KDM1A: variants seen among roughly 807,000 people sequenced by gnomAD.
The protein encoded by KDM1A is lysine-specific histone demethylase 1A.
KDM1A carries 49 observed loss-of-function variants against 109.4 expected under a neutral mutation model. The ratio of observed to expected loss-of-function variants is 0.45; its 90% CI spans 0.36 to 0.57. The LOEUF is 0.57. Among genes scored for constraint, KDM1A ranks in the 20% least tolerant of loss-of-function variants. KDM1A has a pLI of 0.00. For synonymous variants in KDM1A, 380 were observed against 415.4 expected (o/e 0.91, Z 1.04); for missense variants, 668 against 1,116.6 (o/e 0.60, Z 5.73).
chr1:23,081,454 C>G lies in KDM1A; in HGVS notation c.2179C>G (p.Leu727Val). 6.2e-7 allele frequency: 1 copy of G among 1,614,164 alleles called. No homozygotes were observed. Among genetic ancestry groups the G allele is most frequent in the Non-Finnish European group, 8.5e-7 (1 of 1,179,986 alleles). The stretch of plus-strand genomic sequence containing the variant: ...CCTTTCTGTTTCCCCAGCTCCAATA[C>G]TGTTGGCACTAGTGGCAGGAGAAGC... ...LFWNLYKAPI[L>V]LALVAGEAAG... The change falls in exon 19 of 21, where the codon CTG becomes GTG. Residue 727 changes from leucine to valine, a missense_variant. Physicochemically the swap from Leu to Val is conservative, Grantham distance 32. Around this residue, in one of 8 missense-constraint regions of KDM1A, gnomAD observed 162 missense variants for 376.4 expected, o/e 0.43. Coordinates refer to ENST00000400181, the MANE Select transcript of KDM1A (RefSeq NM_001009999.3).
chr1:23,035,015 T>C lies in KDM1A; in HGVS notation c.517+4381T>C, dbSNP rs76030792. Among the ~76,000 whole-genome samples, 622 of 152,294 alleles carry C rather than the reference T, an allele frequency of 4.1e-3. 5 individuals are homozygous for C. The highest frequency in any genetic ancestry group is 0.015 in the African/African-American group (606 of 41,572). On this transcript the variant is annotated intron_variant, in intron 2 of 20. Transcript: ENST00000400181. ...TTAAGTCATTGGTTAACTCTTCAAATAGATTTTTTTAGATGTGATTGGTAA... is the reference window on the plus strand; with the variant it reads ...TTAAGTCATTGGTTAACTCTTCAAACAGATTTTTTTAGATGTGATTGGTAA...
At chr1:23,070,372 G>A (rs548954202) in intron 12 of KDM1A, among the ~76,000 whole-genome samples, 1 of 152,276 alleles carries the variant, frequency 6.6e-6, no homozygotes, top group South Asian at 2.1e-4. Flanking sequence ...TCAGGAGGCT[G>A]AGGCATGAGA....
In KDM1A at chr1:23,081,318, A is replaced by G. The variant is rs956441547; in HGVS notation, c.2171-128A>G. 7.6e-6 allele frequency: 8 copies of G among 1,049,152 alleles called. No homozygotes were observed. In the African/African-American group the frequency reaches 1.3e-4, roughly 17 times the overall value. The allele number at this position is 1,049,152 out of a possible 1,614,324, so 65.0% of individuals were successfully genotyped here. On this transcript the variant is annotated intron_variant, in intron 18 of 20. Transcript: ENST00000400181. ...TCAGAAACATAATCTGTCTCTTCGCATTTGAATGGTACTGCGTGTGTCTTG... is the reference window on the plus strand; with the variant it reads ...TCAGAAACATAATCTGTCTCTTCGCGTTTGAATGGTACTGCGTGTGTCTTG...
rs1642789618 is a variant in KDM1A, at chr1:23,055,134, A to G, written c.856A>G (p.Ile286Val). The change falls in exon 6 of 21, where the codon ATC becomes GTC. Residue 286 changes from isoleucine (I) to valine (V), a missense_variant. By Grantham distance (29) the Ile-to-Val change is conservative. Transcript: ENST00000400181. The part of the protein sequence containing the change: ...LERHGLINFG[I>V]YKRIKPLPTK... Reference sequence around the variant, plus strand: ...GCGTCATGGTCTTATCAACTTCGGCATCTATAAGAGGATAAAACCCCTACC... The same window carrying G: ...GCGTCATGGTCTTATCAACTTCGGCGTCTATAAGAGGATAAAACCCCTACC... The G allele has an allele frequency of 6.2e-6, 10 of 1,611,706 alleles. No homozygotes were observed. Among genetic ancestry groups the G allele is most frequent in the South Asian group, 1.1e-5 (1 of 90,706 alleles).
At chr1:23,078,292 TGTTGTGCCA>T (rs1199609612) in intron 16 of KDM1A, among the ~76,000 whole-genome samples, 1 of 152,164 alleles carries the variant, frequency 6.6e-6, no homozygotes, top group Non-Finnish European at 1.5e-5. Context: ...TGAGAATAGA[TGTTGTGCCA>T]TTTTCTCGAG....
Position 23,030,670 on chromosome 1 carries a change from C to T in KDM1A, c.517+36C>T, listed in dbSNP as rs751390120. 5 of 1,475,576 alleles carry T rather than the reference C, an allele frequency of 3.4e-6. No individual in the cohort carries two copies. In the Admixed American group the frequency reaches 1.0e-4, roughly 30 times the overall value. 91.4% of individuals were successfully genotyped at this position (1,475,576 alleles called of 1,614,324 possible). ...GTATCCAACCACAGTTCTGTTTTATCTTAGAAATAAGAATGAATGGATTTA... is the reference window on the plus strand; with the variant it reads ...GTATCCAACCACAGTTCTGTTTTATTTTAGAAATAAGAATGAATGGATTTA... On this transcript the variant is annotated intron_variant, in intron 2 of 20. Transcript: ENST00000400181.
intron 1 of KDM1A, chr1:23,020,219 C>G (rs1185451830): frequency 2.9e-5 from 10 of 342,492 alleles, no homozygotes; most frequent in Non-Finnish European, 5.3e-5. Flanking sequence ...TTCCTTAGGT[C>G]TTTCTTGCAC....
chr1:23,023,796 A>G (rs1641713240), intron 1 of KDM1A, among the ~76,000 whole-genome samples: 1 of 152,030 alleles, frequency 6.6e-6, no homozygotes, highest in Non-Finnish European at 1.5e-5. Context: ...ACACTATTAG[A>G]TTTTACTGTT....
At chr1:23,057,405 C>T in intron 7 of KDM1A, 79 bp from the exon 8 acceptor site, 1 of 1,011,590 alleles carries the variant, frequency 9.9e-7, no homozygotes, top group Non-Finnish European at 1.6e-6. Flanking sequence ...TTATAGAAGA[C>T]AGAGCCGTGG....
chr1:23,041,545 C>T (rs1230434545), intron 2 of KDM1A, among the ~76,000 whole-genome samples: 4 of 145,318 alleles, frequency 2.8e-5, no homozygotes, highest in East Asian at 4.1e-4. Flanking sequence ...CGAGTTCAAG[C>T]GATTCTCCTG....
chr1:23,077,415 C>G, intron 16 of KDM1A, 55 bp downstream of exon 16: 1 of 1,560,556 alleles, frequency 6.4e-7, no homozygotes, highest in South Asian at 1.2e-5. Flanking sequence ...CAGGACTGAT[C>G]TTTTGTTAGG....
intron 9 of KDM1A, among the ~76,000 whole-genome samples, chr1:23,063,422 A>G (rs964211550): frequency 7.9e-5 from 12 of 152,140 alleles, no homozygotes; most frequent in African/African-American, 2.9e-4. Flanking sequence ...TTAGGTATCT[A>G]TCGTAACTTT....
At chr1:23,043,180 C>T (rs1393826430) in intron 2 of KDM1A, among the ~76,000 whole-genome samples, 3 of 152,108 alleles carry the variant, frequency 2.0e-5, no homozygotes, top group Admixed American at 1.3e-4. Context: ...TTTAGTAACC[C>T]GATCGTCTCT....
At chr1:23,021,356 G>A (rs1415106914) in intron 1 of KDM1A, among the ~76,000 whole-genome samples, 2 of 152,154 alleles carry the variant, frequency 1.3e-5, no homozygotes, top group East Asian at 3.9e-4. Flanking sequence ...CCACGTATAA[G>A]ATGTTTTTAA....
intron 10 of KDM1A, among the ~76,000 whole-genome samples, chr1:23,067,397 A>G (rs1056248465): frequency 2.0e-5 from 3 of 152,214 alleles, no homozygotes; most frequent in Non-Finnish European, 4.4e-5. Flanking sequence ...TTATCAGTGA[A>G]GGAGCAGAGG....
intron 9 of KDM1A, 125 bp downstream of exon 9, chr1:23,059,292 G>T (rs912100374): frequency 2.9e-5 from 22 of 763,158 alleles, no homozygotes; most frequent in African/African-American, 2.7e-4. Flanking sequence ...TATAAACTGA[G>T]GGTAGAGATG....
intron 1 of KDM1A, among the ~76,000 whole-genome samples, chr1:23,022,884 C>T (rs1457515599): frequency 6.6e-6 from 1 of 151,808 alleles, no homozygotes; most frequent in Non-Finnish European, 1.5e-5. Flanking sequence ...GTCTTAAACT[C>T]CTGGCCTCAA....
chr1:23,030,619 C>T lies in KDM1A; in HGVS notation c.502C>T (p.Pro168Ser), dbSNP rs1288331434. 1 of 1,564,738 alleles carries T rather than the reference C, an allele frequency of 6.4e-7. No homozygotes were observed. The highest frequency in any genetic ancestry group is 8.6e-7 in the Non-Finnish European group (1 of 1,162,360). The change falls in exon 2 of 21, where the codon CCT becomes TCT. Residue 168 changes from proline (P) to serine (S), a missense_variant. By Grantham distance (74) the Pro-to-Ser change is moderately conservative (BLOSUM62 -1). This residue lies in a region of KDM1A where 149 missense variants were observed against 189.7 expected (regional missense o/e 0.79). Transcript: ENST00000400181. Reference protein sequence around the residue: ...APPEEENESEPEEPSGQAGGL... With the variant: ...APPEEENESESEEPSGQAGGL... ...ACCTGAGGAAGAAAATGAAAGTGAG[C>T]CTGAAGAACCATCGGGTGAGTTGTA... is the stretch of plus-strand genomic sequence containing the variant.
At chr1:23,037,751 T>C (rs1642192708) in intron 2 of KDM1A, among the ~76,000 whole-genome samples, 1 of 152,236 alleles carries the variant, frequency 6.6e-6, no homozygotes, top group Non-Finnish European at 1.5e-5. Flanking sequence ...TATTTACTGC[T>C]TTTGGTCGAT....
Sources: gnomAD v4.1 joint callset for allele counts (sites outside exome capture counted in the v4.1 genomes callset) on GRCh38, gnomAD v4.1.1 for gene constraint, gnomAD v4.1.1 regional missense constraint, MANE v1.5 for transcripts, NCBI Gene and HGNC (gene_info 2026-07-23, HGNC 2026-07-21) for gene names.